PTPN12: variants seen among roughly 807,000 people sequenced by gnomAD.
PTPN12 encodes the protein tyrosine-protein phosphatase non-receptor type 12.
Under a neutral mutation model 97.6 loss-of-function variants are expected in PTPN12, and 29 were observed. That is an observed-to-expected ratio of 0.30 (90% CI 0.22 to 0.41). PTPN12 has a LOEUF of 0.41. Ranked by LOEUF, PTPN12 falls within the 10% of genes least tolerant of loss-of-function variation. The pLI, the probability that PTPN12 is intolerant of heterozygous loss-of-function variation, is 1.00. For missense variants in PTPN12, 819 were observed against 926.0 expected, an observed-to-expected ratio of 0.88 and a Z score of 1.50; for synonymous variants, 327 against 300.4, an observed-to-expected ratio of 1.09 and a Z score of -0.91.
At chr7:77,585,293 T>C (rs1046367662) in intron 4 of PTPN12, 1 of 331,580 alleles carries the variant, frequency 3.0e-6, no homozygotes, top group African/African-American at 2.1e-5. Flanking sequence ...AAGATTTACA[T>C]GATTTAATTC....
chr7:77,617,817 A>C (rs1482964244), intron 11 of PTPN12, among the ~76,000 whole-genome samples: 1 of 151,050 alleles, frequency 6.6e-6, no homozygotes, highest in African/African-American at 2.4e-5. Flanking sequence ...ACCTGTATTG[A>C]CTCTGAAACA....
chr7:77,617,727 T>C (rs1788800082), intron 11 of PTPN12, among the ~76,000 whole-genome samples: 3 of 152,140 alleles, frequency 2.0e-5, no homozygotes, highest in South Asian at 4.1e-4. Context: ...ATATGAGATA[T>C]GTTGACAGTG....
At chr7:77,593,678 T>G (rs1787937866) in intron 6 of PTPN12, among the ~76,000 whole-genome samples, 1 of 152,250 alleles carries the variant, frequency 6.6e-6, no homozygotes, top group Admixed American at 6.5e-5. Context: ...AACAACATTA[T>G]GGAGGACAGT....
chr7:77,609,093 G>A (rs1454972066), intron 9 of PTPN12, among the ~76,000 whole-genome samples: 2 of 151,920 alleles, frequency 1.3e-5, no homozygotes, highest in South Asian at 2.1e-4. Context: ...GGTGGCCGGC[G>A]CCTGTAATCC....
At chr7:77,639,031 A>G (rs1385088404) in intron 17 of PTPN12, 188 bp from the exon 18 acceptor site, 4 of 649,622 alleles carry the variant, frequency 6.2e-6, no homozygotes, top group Non-Finnish European at 9.6e-6. Context: ...AAAAGAAGCA[A>G]TCATTTTCAG....
chr7:77,596,170 C>T (rs1019680970), intron 6 of PTPN12, among the ~76,000 whole-genome samples: 13 of 152,034 alleles, frequency 8.6e-5, no homozygotes, highest in African/African-American at 2.9e-4. Flanking sequence ...TTAAGTAATT[C>T]GTTTAGACAC....
At chr7:77,547,928 A>G (rs1304556854) in intron 1 of PTPN12, among the ~76,000 whole-genome samples, 1 of 152,230 alleles carries the variant, frequency 6.6e-6, no homozygotes, top group Non-Finnish European at 1.5e-5. Context: ...AGGATTTCCA[A>G]AGGAATATCA....
At chr7:77,600,019 T>C (rs1370061127) in intron 7 of PTPN12, among the ~76,000 whole-genome samples, 1 of 152,224 alleles carries the variant, frequency 6.6e-6, no homozygotes, top group African/African-American at 2.4e-5. Flanking sequence ...TATTGGCTGT[T>C]AAAGAATAAG....
At chr7:77,549,422 C>T (rs1046079799) in intron 1 of PTPN12, among the ~76,000 whole-genome samples, 6 of 152,100 alleles carry the variant, frequency 3.9e-5, no homozygotes, top group African/African-American at 1.4e-4. Context: ...CATTAAACAT[C>T]AGGCAAAATT....
intron 8 of PTPN12, among the ~76,000 whole-genome samples, chr7:77,603,444 A>G (rs1371298354): frequency 6.6e-6 from 1 of 152,210 alleles, no homozygotes; most frequent in Non-Finnish European, 1.5e-5. Context: ...TTAAAACTCG[A>G]GAATGTGTCC....
chr7:77,606,240 C>T (rs1788370236), intron 8 of PTPN12, among the ~76,000 whole-genome samples: 1 of 152,058 alleles, frequency 6.6e-6, no homozygotes, highest in Non-Finnish European at 1.5e-5. Flanking sequence ...AGGCATGAGC[C>T]CCTGCGCCCA....
At position 77,537,758 on chromosome 7, in the gene PTPN12, G is replaced by T. The variant is rs1422872350; in HGVS notation, c.99+113G>T. ...ACCTCTGTGAGGAGAGGGGCGGAGGGGGCGCGCACCAGCCGGGTGAGCCGG... is the reference window on the plus strand; with the variant it reads ...ACCTCTGTGAGGAGAGGGGCGGAGGTGGCGCGCACCAGCCGGGTGAGCCGG... On this transcript the variant is annotated intron_variant, in intron 1 of 17. Coordinates refer to ENST00000248594, the MANE Select transcript of PTPN12 (RefSeq NM_002835.4). 2.6e-6 allele frequency: 3 copies of T among 1,172,208 alleles called. No individual in the cohort carries two copies. The African/African-American group carries it at 4.8e-5, about 19-fold the overall frequency. 72.6% of individuals were successfully genotyped at this position (1,172,208 alleles called of 1,614,324 possible).
rs796166217 is a variant in PTPN12 at position 77,600,790 on chromosome 7, A to G, written c.679A>G (p.Ile227Val). ...RKYQEHEDVPICIHCSAGCGR... is the reference protein window; with the variant it reads ...RKYQEHEDVPVCIHCSAGCGR... ...ATATCAAGAACATGAAGATGTTCCT[A>G]TTTGTATTCATTGCAGGTACAAAAG... Residue 227 changes from isoleucine to valine, a missense_variant, in exon 8 of 18, where the codon ATT (isoleucine) becomes GTT (valine). Transcript: ENST00000248594. 1 of 1,597,042 alleles carries G rather than the reference A, an allele frequency of 6.3e-7. No individual in the cohort carries two copies. The highest frequency in any genetic ancestry group is 8.5e-7 in the Non-Finnish European group (1 of 1,174,058).
chr7:77,596,895 A>C (rs536985091), intron 6 of PTPN12, among the ~76,000 whole-genome samples: 6 of 152,288 alleles, frequency 3.9e-5, no homozygotes, highest in African/African-American at 1.4e-4. Flanking sequence ...CCAAGAGTTC[A>C]CATTTTACAT....
rs1787337785 is a variant in PTPN12 at position 77,576,203 on chromosome 7, A to AC, written c.208+5017_208+5018insC. ...CATTCACGATGTAGCATGCATCGAT[A>AC]GTTCATTCCTTTTTGTTGTTGAATA... On this transcript the variant is annotated intron_variant, in intron 2 of 17. Transcript: ENST00000248594. Among the ~76,000 whole-genome samples, 6 of 152,244 alleles carry AC rather than the reference A, an allele frequency of 3.9e-5. No individual in the cohort carries two copies. The South Asian group carries it at 1.2e-3, about 32-fold the overall frequency.
intron 12 of PTPN12, among the ~76,000 whole-genome samples, chr7:77,620,064 T>C (rs528200101): frequency 5.3e-4 from 80 of 152,312 alleles, no homozygotes; most frequent in Non-Finnish European, 9.7e-4. Flanking sequence ...TAAAAGAAAC[T>C]ACTGGCCCTA....
intron 14 of PTPN12, among the ~76,000 whole-genome samples, chr7:77,635,271 A>G (rs533652011): frequency 2.0e-5 from 3 of 152,278 alleles, no homozygotes; most frequent in Admixed American, 6.5e-5. Context: ...GTCTGTATAA[A>G]ATCAAAAATT....
chr7:77,612,298 G>A (rs1262486517), intron 11 of PTPN12, among the ~76,000 whole-genome samples: 2 of 152,058 alleles, frequency 1.3e-5, no homozygotes, highest in Admixed American at 6.6e-5. Context: ...ATGTGACATC[G>A]TTCTTATTCC....
Position 77,610,839 on chromosome 7 carries a change from A to G in PTPN12, c.837A>G (p.Thr279=), listed in dbSNP as rs752597201. ...MRTQRHSAVQ[T]KEQYELVHRA... ...CACAAAGGCATTCTGCAGTACAAAC[A>G]AAGGTATAGTTGTTTGTTTCCCTTT... Residue 279 remains threonine (T), a synonymous_variant, in exon 10 of 18, where the codon ACA becomes ACG. Transcript: ENST00000248594. The G allele has an allele frequency of 1.9e-6, 3 of 1,606,468 alleles. No homozygotes were observed. Among genetic ancestry groups the G allele is most frequent in the Non-Finnish European group, 2.5e-6 (3 of 1,178,242 alleles).
Sources: gnomAD v4.1 joint callset for allele counts (sites outside exome capture counted in the v4.1 genomes callset) on GRCh38, gnomAD v4.1.1 for gene constraint, MANE v1.5 for transcripts, NCBI Gene and HGNC (gene_info 2026-07-23, HGNC 2026-07-21) for gene names.